The following CNTN4 variants were observed in gnomAD, a reference collection of about 807,000 sequenced individuals.
CNTN4 encodes contactin-4.
CNTN4 carries 77 observed loss-of-function variants against 122.5 expected under a neutral mutation model. That is an observed-to-expected ratio of 0.63 (90% confidence interval 0.52 to 0.76). The LOEUF is 0.76. CNTN4 is among the 30% of genes least tolerant of loss of function. CNTN4 has a pLI of 0.00. For missense variants in CNTN4, 1,256 were observed against 1,259.1 expected (o/e 1.00, Z 0.04); for synonymous variants, 512 against 447.0 (o/e 1.15, Z -1.83).
At chr3:2,330,264 G>A (rs1412132680) in intron 2 of CNTN4, among the ~76,000 whole-genome samples, 2 of 152,194 alleles carry the variant, frequency 1.3e-5, no homozygotes, top group Non-Finnish European at 2.9e-5. Flanking sequence ...AAGGAGCACA[G>A]ATCTTCCATC....
chr3:2,584,333 A>G (rs1271593568), intron 4 of CNTN4, among the ~76,000 whole-genome samples: 1 of 152,028 alleles, frequency 6.6e-6, no homozygotes, highest in African/African-American at 2.4e-5. Flanking sequence ...CCTTTCTGTC[A>G]TTTTCCAGGT....
intron 4 of CNTN4, among the ~76,000 whole-genome samples, chr3:2,735,215 A>AG (rs1157969900): frequency 1.3e-5 from 2 of 152,242 alleles, no homozygotes; most frequent in Non-Finnish European, 2.9e-5. Context: ...AAAAAGGTTG[A>AG]GGGTCTAGCA....
intron 16 of CNTN4, among the ~76,000 whole-genome samples, chr3:3,031,580 C>CT (rs1297527667): frequency 3.5e-5 from 4 of 113,934 alleles, no homozygotes; most frequent in Non-Finnish European, 6.4e-5. Context: ...GACCTAAGAG[C>CT]TATGACCCCC....
intron 12 of CNTN4, among the ~76,000 whole-genome samples, chr3:2,910,834 T>G (rs1559652094): frequency 6.6e-6 from 1 of 152,158 alleles, no homozygotes; most frequent in Admixed American, 6.5e-5. Context: ...TTCATCAAGA[T>G]AGTCAAAAGG....
intron 4 of CNTN4, among the ~76,000 whole-genome samples, chr3:2,602,548 C>A (rs2081091110): frequency 6.6e-6 from 1 of 152,132 alleles, no homozygotes; most frequent in Non-Finnish European, 1.5e-5. Flanking sequence ...TGAAGGACCT[C>A]TTCAAGGAGA....
chr3:3,047,317 A>C (rs569643431), intron 23 of CNTN4, among the ~76,000 whole-genome samples: 5 of 152,336 alleles, frequency 3.3e-5, no homozygotes, highest in African/African-American at 1.2e-4. Context: ...AAATCAACAG[A>C]ATATACATTC....
At chr3:2,210,156 G>A (rs146372806) in intron 2 of CNTN4, among the ~76,000 whole-genome samples, 1 of 152,092 alleles carries the variant, frequency 6.6e-6, no homozygotes, top group Non-Finnish European at 1.5e-5. Context: ...ATGGTTGAGA[G>A]AATTATGCTT....
At chr3:2,495,137 A>G (rs529542246) in intron 3 of CNTN4, among the ~76,000 whole-genome samples, 123 of 152,328 alleles carry the variant, frequency 8.1e-4, no homozygotes, top group African/African-American at 2.8e-3. Flanking sequence ...TGCCGCCTTC[A>G]ACATCATAAT....
chr3:2,728,016 G>A (rs2088362980), intron 4 of CNTN4, among the ~76,000 whole-genome samples: 1 of 152,192 alleles, frequency 6.6e-6, no homozygotes, highest in African/African-American at 2.4e-5. Flanking sequence ...CAATAGAAAC[G>A]CTGTGTGTTG....
intron 4 of CNTN4, among the ~76,000 whole-genome samples, chr3:2,608,625 G>T (rs2081353727): frequency 6.6e-6 from 1 of 152,094 alleles, no homozygotes; most frequent in Non-Finnish European, 1.5e-5. Context: ...GGTATTACAG[G>T]CACGTGCCAC....
At chr3:2,364,372 G>C (rs765764463) in intron 3 of CNTN4, among the ~76,000 whole-genome samples, 3 of 152,094 alleles carry the variant, frequency 2.0e-5, no homozygotes, top group Non-Finnish European at 2.9e-5. Context: ...TGCCCTTGCT[G>C]TTTTTATTCT....
intron 4 of CNTN4, among the ~76,000 whole-genome samples, chr3:2,606,284 T>G (rs780885397): frequency 6.6e-6 from 1 of 152,100 alleles, no homozygotes; most frequent in Non-Finnish European, 1.5e-5. Context: ...CAATATAACC[T>G]AATTTGTCTT....
chr3:2,890,352 T>G (rs756784624), intron 10 of CNTN4, among the ~76,000 whole-genome samples: 2 of 152,220 alleles, frequency 1.3e-5, no homozygotes, highest in Non-Finnish European at 2.9e-5. Context: ...AAATGAATTA[T>G]GATAATTAAA....
At chr3:2,113,267 T>C (rs1277984941) in intron 2 of CNTN4, among the ~76,000 whole-genome samples, 1 of 152,206 alleles carries the variant, frequency 6.6e-6, no homozygotes, top group African/African-American at 2.4e-5. Flanking sequence ...TTTGATGTTA[T>C]GTATGCTGCA....
chr3:2,505,437 T>G (rs2076707459), intron 3 of CNTN4, among the ~76,000 whole-genome samples: 1 of 152,224 alleles, frequency 6.6e-6, no homozygotes, highest in Non-Finnish European at 1.5e-5. Context: ...AAATGGAATG[T>G]TCTATAGTCC....
chr3:2,256,238 C>T (rs928487748), intron 2 of CNTN4, among the ~76,000 whole-genome samples: 4 of 152,074 alleles, frequency 2.6e-5, no homozygotes, highest in Non-Finnish European at 5.9e-5. Context: ...AAGACTAAAC[C>T]AGGAAGAAGT....
intron 3 of CNTN4, among the ~76,000 whole-genome samples, chr3:2,551,608 G>GA (rs2078509176): frequency 6.6e-6 from 1 of 152,050 alleles, no homozygotes; most frequent in Non-Finnish European, 1.5e-5. Flanking sequence ...AATGATTTTT[G>GA]AAAATAATAA....
chr3:2,299,496 C>T (rs183764546), intron 2 of CNTN4, among the ~76,000 whole-genome samples: 2 of 152,038 alleles, frequency 1.3e-5, no homozygotes, highest in African/African-American at 4.8e-5. Context: ...TCTTCAAAGT[C>T]CATTATATCA....
At chr3:2,536,161 A>G (rs2077796294) in intron 3 of CNTN4, among the ~76,000 whole-genome samples, 1 of 152,144 alleles carries the variant, frequency 6.6e-6, no homozygotes, top group Non-Finnish European at 1.5e-5. Flanking sequence ...TCAGAACCAC[A>G]TCTCCCACCA....
Sources: allele counts gnomAD v4.1 joint callset (sites outside exome capture counted in the v4.1 genomes callset), GRCh38; gene constraint gnomAD v4.1.1; transcripts MANE v1.5; gene names NCBI Gene and HGNC (gene_info 2026-07-23, HGNC 2026-07-21).